The following EIPR1 variants were observed in gnomAD, a reference collection of about 807,000 sequenced individuals.
EIPR1 encodes EARP and GARP complex-interacting protein 1.
Under a neutral mutation model 48.1 loss-of-function variants are expected in EIPR1, and 25 were observed. That is an observed-to-expected ratio of 0.52 (90% confidence interval 0.38 to 0.73). The LOEUF is 0.73. EIPR1 is among the 30% of genes least tolerant of loss of function. The pLI is 0.00. For synonymous variants in EIPR1, 204 were observed against 201.9 expected, an observed-to-expected ratio of 1.01 and a Z score of -0.09; for missense variants, 415 against 506.2, an observed-to-expected ratio of 0.82 and a Z score of 1.73.
intron 3 of EIPR1, among the ~76,000 whole-genome samples, chr2:3,277,867 C>T (rs1023958917): frequency 7.9e-5 from 12 of 152,208 alleles, no homozygotes; most frequent in Admixed American, 5.2e-4. Flanking sequence ...GCGTGTTTCA[C>T]GGTGGACTTG....
chr2:3,369,990 C>CAA (rs1553307012), intron 1 of EIPR1, among the ~76,000 whole-genome samples: 1 of 150,692 alleles, frequency 6.6e-6, no homozygotes, highest in Non-Finnish European at 1.5e-5. Context: ...GCACCCCCCC[C>CAA]GTAGGGGCAG....
At chr2:3,278,244 C>G (rs1027728713) in intron 3 of EIPR1, among the ~76,000 whole-genome samples, 20 of 152,128 alleles carry the variant, frequency 1.3e-4, no homozygotes, top group African/African-American at 4.8e-4. Context: ...CACCTGCATC[C>G]CTGCATCCTG....
chr2:3,336,921 G>C (rs1381076223), intron 3 of EIPR1, among the ~76,000 whole-genome samples: 4 of 55,356 alleles, frequency 7.2e-5, no homozygotes. Context: ...GAAGGGAAAA[G>C]GGAAGGGAAG....
In EIPR1 at chr2:3,326,032, G is replaced by A. The variant is rs138036560; in HGVS notation, c.259+11985C>T. ...TGCCTGTGCCAGGGGCTCCTGAGGC[G>A]GCTGCTCCCCAGTGCAGAGGAGGCT... On this transcript the variant is annotated intron_variant, in intron 3 of 8. Transcript: ENST00000382125. Among the ~76,000 whole-genome samples the A allele has an allele frequency of 1.4e-3, 219 of 152,320 alleles. 1 individual carries two copies. The highest frequency in any genetic ancestry group is 2.5e-3 in the Non-Finnish European group (171 of 68,028).
chr2:3,330,116 G>A (rs1669841585), intron 3 of EIPR1, among the ~76,000 whole-genome samples: 1 of 152,252 alleles, frequency 6.6e-6, no homozygotes, highest in Non-Finnish European at 1.5e-5. Flanking sequence ...AATTCCTGAA[G>A]TTTAGGAGTG....
chr2:3,344,870 C>G (rs1294514676), intron 2 of EIPR1, among the ~76,000 whole-genome samples: 4 of 151,864 alleles, frequency 2.6e-5, no homozygotes, highest in Non-Finnish European at 5.9e-5. Flanking sequence ...CCCATAAGCA[C>G]TGGAAAATCT....
chr2:3,313,940 G>A (rs1013590635), intron 3 of EIPR1, among the ~76,000 whole-genome samples: 8 of 152,262 alleles, frequency 5.3e-5, no homozygotes, highest in Non-Finnish European at 1.0e-4. Flanking sequence ...AGCAGCAGCC[G>A]GGGCTGTCCC....
At chr2:3,214,301 C>G in intron 4 of EIPR1, 53 bp from the exon 5 acceptor site, 1 of 1,540,462 alleles carries the variant, frequency 6.5e-7, no homozygotes, top group Non-Finnish European at 8.9e-7. Flanking sequence ...GATACCCAGG[C>G]TGGTAGGTAA....
chr2:3,294,324 C>T (rs1478215968), intron 3 of EIPR1, among the ~76,000 whole-genome samples: 3 of 150,426 alleles, frequency 2.0e-5, no homozygotes, highest in East Asian at 2.0e-4. Flanking sequence ...TCTGCACACA[C>T]CCTCCATCCA....
At chr2:3,247,024 A>AGG (rs1666845727) in intron 4 of EIPR1, among the ~76,000 whole-genome samples, 1 of 6,782 alleles carries the variant, frequency 1.5e-4, no homozygotes, top group African/African-American at 1.3e-3. Context: ...AGGGAGGGAG[A>AGG]GAGCGAGGGA....
chr2:3,313,769 T>G (rs1224648884), intron 3 of EIPR1, among the ~76,000 whole-genome samples: 1 of 152,210 alleles, frequency 6.6e-6, no homozygotes, highest in Non-Finnish European at 1.5e-5. Flanking sequence ...GGAGTCAAAC[T>G]GTCTTTGTTC....
At chr2:3,256,104 C>T (rs145932560) in intron 4 of EIPR1, among the ~76,000 whole-genome samples, 117 of 152,260 alleles carry the variant, frequency 7.7e-4, no homozygotes, top group African/African-American at 2.8e-3. Flanking sequence ...AAATATCCAC[C>T]GACGTGGTAG....
intron 3 of EIPR1, among the ~76,000 whole-genome samples, chr2:3,284,449 C>T (rs1668115766): frequency 8.3e-6 from 1 of 120,284 alleles, no homozygotes; most frequent in South Asian, 2.8e-4. Flanking sequence ...CACAGAAGGC[C>T]GCGCCACGGC....
At chr2:3,246,215 CTTA>C (rs1448594647) in intron 4 of EIPR1, among the ~76,000 whole-genome samples, 2 of 152,218 alleles carry the variant, frequency 1.3e-5, no homozygotes, top group Admixed American at 1.3e-4. Context: ...TTTCTTACTA[CTTA>C]TCCTCAAACA....
chr2:3,356,581 T>C (rs2324584), intron 1 of EIPR1, among the ~76,000 whole-genome samples: 113,953 of 152,102 alleles, frequency 0.75, 44,019 homozygotes, highest in Non-Finnish European at 0.85. Flanking sequence ...TGGCCCTCCA[T>C]CCATATCCAC....
At chr2:3,327,136 A>G (rs113031721) in intron 3 of EIPR1, among the ~76,000 whole-genome samples, 8 of 152,350 alleles carry the variant, frequency 5.3e-5, no homozygotes, top group African/African-American at 1.9e-4. Flanking sequence ...GAGCTAGGGT[A>G]GAGCGGGGCC....
At chr2:3,246,252 T>C (rs1001649000) in intron 4 of EIPR1, among the ~76,000 whole-genome samples, 2 of 152,196 alleles carry the variant, frequency 1.3e-5, no homozygotes, top group African/African-American at 4.8e-5. Flanking sequence ...ATGGGAAGGA[T>C]AGCTATCAGT....
chr2:3,348,609 A>G (rs924438703), intron 2 of EIPR1, among the ~76,000 whole-genome samples: 3 of 152,244 alleles, frequency 2.0e-5, no homozygotes, highest in African/African-American at 7.2e-5. Flanking sequence ...ACAGGAGGAA[A>G]CAGACACAAA....
chr2:3,279,985 G>A (rs1030137357), intron 3 of EIPR1, among the ~76,000 whole-genome samples: 1 of 152,270 alleles, frequency 6.6e-6, no homozygotes, highest in South Asian at 2.1e-4. Context: ...TTGTAAGGAC[G>A]GAGAAAAGAA....
Sources: gnomAD v4.1 joint callset for allele counts (sites outside exome capture counted in the v4.1 genomes callset) on GRCh38, gnomAD v4.1.1 for gene constraint, MANE v1.5 for transcripts, NCBI Gene and HGNC (gene_info 2026-07-23, HGNC 2026-07-21) for gene names.